Variants in TSPAN18 observed in about 807,000 individuals in gnomAD.
The protein encoded by TSPAN18 is tetraspanin-18.
Under a neutral mutation model 27.3 loss-of-function variants are expected in TSPAN18, and 14 were observed. The observed-to-expected ratio is 0.51, with a 90% CI of 0.34 to 0.80. TSPAN18 has a LOEUF of 0.80. Ranked by LOEUF, TSPAN18 falls within the 30% of genes least tolerant of loss-of-function variation. The probability of loss-of-function intolerance (pLI) is 0.01; values close to 1 mark genes in which losing one functional copy is unlikely to be tolerated. For missense variants in TSPAN18, 268 were observed against 323.9 expected (o/e 0.83, Z 1.32); for synonymous variants, 143 against 136.5 (o/e 1.05, Z -0.33).
intron 3 of TSPAN18, among the ~76,000 whole-genome samples, chr11:44,889,021 C>G (rs1483543745): frequency 6.6e-6 from 1 of 152,216 alleles, no homozygotes; most frequent in South Asian, 2.1e-4. Context: ...TTCCTGTGCT[C>G]ACACTCGCCT....
At chr11:44,824,572 C>T (rs7118767) in intron 2 of TSPAN18, among the ~76,000 whole-genome samples, 28,133 of 152,214 alleles carry the variant, frequency 0.18, 2,848 homozygotes, top group South Asian at 0.39. Context: ...GGGGCCTTGT[C>T]TAGGGCTGTG....
At chr11:44,889,946 G>A (rs578193213) in intron 3 of TSPAN18, among the ~76,000 whole-genome samples, 2 of 152,332 alleles carry the variant, frequency 1.3e-5, no homozygotes, top group East Asian at 3.9e-4. Flanking sequence ...CTGGCTCCCT[G>A]TTCTCCCTGT....
At chr11:44,799,357 C>G (rs1300608762) in intron 2 of TSPAN18, among the ~76,000 whole-genome samples, 1 of 152,214 alleles carries the variant, frequency 6.6e-6, no homozygotes, top group Non-Finnish European at 1.5e-5. Flanking sequence ...CACCCTATAC[C>G]TTGGTCCAAA....
intron 3 of TSPAN18, among the ~76,000 whole-genome samples, chr11:44,880,542 G>C (rs1311537339): frequency 6.6e-6 from 1 of 152,198 alleles, no homozygotes; most frequent in Admixed American, 6.5e-5. Flanking sequence ...CCTTGGGTAC[G>C]GAGGCCTGGT....
intron 3 of TSPAN18, among the ~76,000 whole-genome samples, chr11:44,874,500 G>A (rs1199351769): frequency 6.6e-6 from 1 of 152,202 alleles, no homozygotes; most frequent in East Asian, 1.9e-4. Flanking sequence ...GCAAACTGAG[G>A]CACAGAGAAG....
Position 44,745,902 on chromosome 11 carries a change from C to G in TSPAN18, c.-239-18524C>G, listed in dbSNP as rs375152834. ...ATTAGCCGGGCGTGGTTGCAGGCGCCTGTAGTCCCAGCTACTTGGGAGGCT... is the reference window on the plus strand; with the variant it reads ...ATTAGCCGGGCGTGGTTGCAGGCGCGTGTAGTCCCAGCTACTTGGGAGGCT... On this transcript the variant is annotated intron_variant, in intron 1 of 9. Coordinates refer to ENST00000520358, the MANE Select transcript of TSPAN18 (RefSeq NM_130783.5). Among the ~76,000 whole-genome samples, 13 of 152,194 alleles carry G rather than the reference C, an allele frequency of 8.5e-5. No homozygotes were observed. In the East Asian group the frequency reaches 2.3e-3, roughly 27 times the overall value.
intron 1 of TSPAN18, among the ~76,000 whole-genome samples, chr11:44,756,963 AT>A (rs1228740119): frequency 6.6e-6 from 1 of 152,180 alleles, no homozygotes. Context: ...GTCTTTCACC[AT>A]TGACTACGAT....
intron 2 of TSPAN18, among the ~76,000 whole-genome samples, chr11:44,777,962 C>T (rs1020080027): frequency 6.6e-6 from 1 of 152,120 alleles, no homozygotes; most frequent in Non-Finnish European, 1.5e-5. Flanking sequence ...GAAGGTGCCT[C>T]TTAAAGGATT....
At chr11:44,871,607 T>C (rs1257452681) in intron 3 of TSPAN18, among the ~76,000 whole-genome samples, 1 of 152,202 alleles carries the variant, frequency 6.6e-6, no homozygotes, top group Non-Finnish European at 1.5e-5. Flanking sequence ...GCAGTTCTGA[T>C]TCTGCCACGA....
chr11:44,894,489 A>G (rs529381304), intron 3 of TSPAN18, among the ~76,000 whole-genome samples: 1 of 152,296 alleles, frequency 6.6e-6, no homozygotes, highest in South Asian at 2.1e-4. Flanking sequence ...AGTGAAAGTA[A>G]AAGGAGTGAT....
intron 2 of TSPAN18, among the ~76,000 whole-genome samples, chr11:44,818,699 G>A (rs1453277354): frequency 6.6e-6 from 1 of 152,154 alleles, no homozygotes; most frequent in East Asian, 1.9e-4. Flanking sequence ...AGGAAAGGGA[G>A]GAAGAAGTGA....
chr11:44,881,493 G>A (rs189143927), intron 3 of TSPAN18, among the ~76,000 whole-genome samples: 40 of 152,338 alleles, frequency 2.6e-4, no homozygotes, highest in Admixed American at 1.9e-3. Context: ...CCCTATTTCC[G>A]AGGGAAACAT....
At chr11:44,911,463 A>C (rs536035268) in intron 5 of TSPAN18, among the ~76,000 whole-genome samples, 1 of 152,246 alleles carries the variant, frequency 6.6e-6, no homozygotes, top group East Asian at 1.9e-4. Flanking sequence ...CAGCGCAAAC[A>C]CTGCAGACTT....
At chr11:44,898,220 G>A (rs150991648) in intron 3 of TSPAN18, among the ~76,000 whole-genome samples, 461 of 152,310 alleles carry the variant, frequency 3.0e-3, no homozygotes, top group Middle Eastern at 6.8e-3. Flanking sequence ...TACCCACAGG[G>A]CACTGGGCTG....
chr11:44,912,811 C>T (rs558262027), intron 5 of TSPAN18, among the ~76,000 whole-genome samples: 35 of 149,164 alleles, frequency 2.3e-4, no homozygotes, highest in African/African-American at 8.4e-4. Context: ...GGGTGTTATA[C>T]GTGCATGGGC....
intron 2 of TSPAN18, among the ~76,000 whole-genome samples, chr11:44,846,796 T>C (rs1449536885): frequency 6.6e-6 from 1 of 152,176 alleles, no homozygotes; most frequent in East Asian, 1.9e-4. Context: ...ACCTTCTACT[T>C]TGCAGCCATT....
intron 9 of TSPAN18, among the ~76,000 whole-genome samples, 196 bp downstream of exon 9, chr11:44,926,953 C>T (rs1319569770): frequency 2.0e-5 from 3 of 152,298 alleles, no homozygotes; most frequent in East Asian, 3.9e-4. Flanking sequence ...GGAGATGAAA[C>T]ATGGGAGCCA....
intron 2 of TSPAN18, among the ~76,000 whole-genome samples, chr11:44,782,580 C>T (rs565633300): frequency 1.3e-5 from 2 of 151,314 alleles, no homozygotes; most frequent in African/African-American, 2.4e-5. Flanking sequence ...AAGAAACTGA[C>T]TGCCAAGCTG....
intron 2 of TSPAN18, among the ~76,000 whole-genome samples, chr11:44,802,591 G>T (rs1472472304): frequency 7.4e-6 from 1 of 135,806 alleles, no homozygotes; most frequent in African/African-American, 3.0e-5. Flanking sequence ...AGATGGGAGT[G>T]GGGGGCTGGG....
Sources: allele counts gnomAD v4.1 joint callset (sites outside exome capture counted in the v4.1 genomes callset), GRCh38; gene constraint gnomAD v4.1.1; transcripts MANE v1.5; gene names NCBI Gene and HGNC (gene_info 2026-07-23, HGNC 2026-07-21).